OXCT1: variants seen among roughly 807,000 people sequenced by gnomAD.
OXCT1 encodes the protein succinyl-CoA:3-ketoacid coenzyme A transferase 1, mitochondrial.
OXCT1 carries 27 observed loss-of-function variants against 69.6 expected under a neutral mutation model. The observed-to-expected ratio is 0.39, with a 90% CI of 0.29 to 0.54. OXCT1 has a LOEUF of 0.54. OXCT1 is among the 20% of genes least tolerant of loss of function. The probability of loss-of-function intolerance (pLI) is 0.72; values close to 1 mark genes in which losing one functional copy is unlikely to be tolerated. For missense variants in OXCT1, 437 were observed against 650.2 expected (o/e 0.67, Z 3.57); for synonymous variants, 202 against 217.8 (o/e 0.93, Z 0.64).
rs1742887137 is a variant in OXCT1 at position 41,736,410 on chromosome 5, TTTTTAAAG to T, written c.1521+2972_1521+2979del. Among the ~76,000 whole-genome samples, 12 of 152,354 alleles carry T rather than the reference TTTTTAAAG, an allele frequency of 7.9e-5. 2 individuals carry two copies. The South Asian group carries it at 2.5e-3, about 32-fold the overall frequency. ...CAAAACTGTGACAGTCATTACAGGT[TTTTTAAAG>T]TTATGTTTCATGTGATTAAAAATCA... On this transcript the variant is annotated intron_variant, in intron 16 of 16. Coordinates refer to ENST00000196371, the MANE Select transcript of OXCT1 (RefSeq NM_000436.4).
rs185579514 is a variant in OXCT1 at position 41,732,026 on chromosome 5, G to C, written c.1522-256C>G. On this transcript the variant is annotated intron_variant, in intron 16 of 16. Transcript: ENST00000196371. ...GAACAAGGCTGGCAACAAGGAGCAG[G>C]TGGAAGAGGAGCAGAGGAAAACAAA... Among the ~76,000 whole-genome samples, 3 of 152,290 alleles carry C rather than the reference G, an allele frequency of 2.0e-5. No homozygotes were observed. The East Asian group carries it at 5.8e-4, about 29-fold the overall frequency.
At chr5:41,850,808 G>A (rs188010308) in intron 4 of OXCT1, among the ~76,000 whole-genome samples, 1 of 152,120 alleles carries the variant, frequency 6.6e-6, no homozygotes. Context: ...TCATCTTTCC[G>A]ATGGGTGACT....
At position 41,784,921 on chromosome 5, in the gene OXCT1, G is replaced by C. The variant is rs138041696; in HGVS notation, c.1248+9082C>G. On this transcript the variant is annotated intron_variant, in intron 13 of 16. Coordinates refer to ENST00000196371, the MANE Select transcript of OXCT1 (RefSeq NM_000436.4). ...CAAAATGAATATGTCAAATATGTCA[G>C]TCTCTAAATATACCTTTAGTCTGAA... Among the ~76,000 whole-genome samples, 664 of 152,240 alleles carry C rather than the reference G, an allele frequency of 4.4e-3. 4 individuals are homozygous for C. The highest frequency in any genetic ancestry group is 0.014 in the Middle Eastern group (4 of 294).
intron 14 of OXCT1, among the ~76,000 whole-genome samples, chr5:41,758,586 T>C (rs1169598477): frequency 6.6e-6 from 1 of 151,716 alleles, no homozygotes; most frequent in Non-Finnish European, 1.5e-5. Context: ...GTACCAAAGA[T>C]TCAGATGGCA....
intron 15 of OXCT1, among the ~76,000 whole-genome samples, chr5:41,746,443 C>T (rs570993099): frequency 2.0e-4 from 31 of 152,112 alleles, no homozygotes; most frequent in African/African-American, 7.2e-4. Context: ...GGGCTGGAGA[C>T]CTTCATTGCT....
intron 7 of OXCT1, among the ~76,000 whole-genome samples, chr5:41,833,957 G>A (rs990128909): frequency 1.3e-5 from 2 of 151,052 alleles, no homozygotes; most frequent in African/African-American, 2.4e-5. Flanking sequence ...AGCTACTTAC[G>A]AGATCATGCC....
intron 3 of OXCT1, among the ~76,000 whole-genome samples, chr5:41,858,001 T>C (rs1749509006): frequency 6.6e-6 from 1 of 152,212 alleles, no homozygotes; most frequent in African/African-American, 2.4e-5. Context: ...GTCTTCTGGA[T>C]CTCTTTGGCT....
chr5:41,809,712 T>C (rs1003450946), intron 7 of OXCT1, among the ~76,000 whole-genome samples: 1 of 152,052 alleles, frequency 6.6e-6, no homozygotes, highest in East Asian at 1.9e-4. Flanking sequence ...CTATTTTCTT[T>C]TGGTTCCATC....
intron 1 of OXCT1, among the ~76,000 whole-genome samples, chr5:41,867,975 C>G (rs976204219): frequency 1.1e-4 from 17 of 152,320 alleles, no homozygotes; most frequent in Non-Finnish European, 1.9e-4. Flanking sequence ...GGCAGTCAGT[C>G]CCCAGACCAG....
chr5:41,867,898 T>C (rs1363019699), intron 1 of OXCT1, among the ~76,000 whole-genome samples: 4 of 152,124 alleles, frequency 2.6e-5, no homozygotes, highest in African/African-American at 4.8e-5. Flanking sequence ...TCAGTAATAA[T>C]GAAGAAAAGA....
chr5:41,803,032 T>G (rs1278892630), intron 10 of OXCT1, 37 bp downstream of exon 10: 1 of 1,402,192 alleles, frequency 7.1e-7, no homozygotes, highest in African/African-American at 1.4e-5. Context: ...TCATTCTTCA[T>G]TAAGACTGGA....
Position 41,794,824 on chromosome 5 carries a change from ATCT to A in OXCT1, c.1100-78_1100-76del. On this transcript the variant is annotated intron_variant, in intron 11 of 16. Coordinates refer to ENST00000196371, the MANE Select transcript of OXCT1 (RefSeq NM_000436.4). ...AGTATCATGGTGAACAGAGGTCCACATCTTCTCCATTCCCAAAAGAACTTAAGC... is the reference window on the plus strand; with the variant it reads ...AGTATCATGGTGAACAGAGGTCCACATCTCCATTCCCAAAAGAACTTAAGC... The A allele has an allele frequency of 6.1e-6, 9 of 1,484,084 alleles. No individual in the cohort carries two copies. In the South Asian group the frequency reaches 1.0e-4, roughly 17 times the overall value. 91.9% of individuals were successfully genotyped at this position (1,484,084 alleles called of 1,614,324 possible).
In OXCT1 at chr5:41,800,507, C is replaced by T. The variant is rs113682077; in HGVS notation, c.1099+515G>A. Among the ~76,000 whole-genome samples the T allele has an allele frequency of 2.6e-5, 4 of 151,820 alleles. 1 individual carries two copies. The highest frequency in any genetic ancestry group is 7.2e-5 in the African/African-American group (3 of 41,478). ...CCAGCAGAGGACACTCTCCACCCAA[C>T]CAGGTTGCTGTGATTTGACTGAGTT... On this transcript the variant is annotated intron_variant, in intron 11 of 16. Transcript: ENST00000196371.
At chr5:41,746,892 C>G (rs1743519341) in intron 15 of OXCT1, among the ~76,000 whole-genome samples, 1 of 152,150 alleles carries the variant, frequency 6.6e-6, no homozygotes, top group Non-Finnish European at 1.5e-5. Context: ...GTCTTACCAA[C>G]AATGTGCAAT....
chr5:41,813,398 T>C (rs925718049), intron 7 of OXCT1, among the ~76,000 whole-genome samples: 5 of 152,224 alleles, frequency 3.3e-5, no homozygotes, highest in East Asian at 1.9e-4. Flanking sequence ...TGTACTACTT[T>C]AAGAATCTCA....
intron 7 of OXCT1, among the ~76,000 whole-genome samples, chr5:41,820,619 T>C (rs1747501416): frequency 6.6e-6 from 1 of 152,178 alleles, no homozygotes; most frequent in South Asian, 2.1e-4. Context: ...ATGGTCCCTA[T>C]TTTATAAAAA....
At chr5:41,770,494 T>C (rs187540167) in intron 13 of OXCT1, among the ~76,000 whole-genome samples, 8 of 152,294 alleles carry the variant, frequency 5.3e-5, no homozygotes, top group African/African-American at 1.7e-4. Flanking sequence ...AAATCATTTA[T>C]AAGACACCCA....
chr5:41,853,303 G>A, intron 4 of OXCT1, 116 bp downstream of exon 4: 1 of 881,368 alleles, frequency 1.1e-6, no homozygotes, highest in African/African-American at 1.7e-5. Flanking sequence ...AAATTCCCTG[G>A]TTTGGCAAAG....
chr5:41,823,035 A>G (rs1250084662), intron 7 of OXCT1, among the ~76,000 whole-genome samples: 1 of 152,014 alleles, frequency 6.6e-6, no homozygotes, highest in Non-Finnish European at 1.5e-5. Flanking sequence ...CTGTAGTTTT[A>G]ATTAATCTTT....
Sources: allele counts gnomAD v4.1 joint callset (sites outside exome capture counted in the v4.1 genomes callset), GRCh38; gene constraint gnomAD v4.1.1; transcripts MANE v1.5; gene names NCBI Gene and HGNC (gene_info 2026-07-23, HGNC 2026-07-21).